The following PTPRT variants were observed in gnomAD, a reference collection of about 807,000 sequenced individuals.
PTPRT encodes receptor-type tyrosine-protein phosphatase T.
PTPRT carries 56 observed loss-of-function variants against 176.8 expected under a neutral mutation model. The observed-to-expected ratio is 0.32, with a 90% CI of 0.26 to 0.40. PTPRT has a LOEUF of 0.40. Among genes scored for constraint, PTPRT ranks in the 10% least tolerant of loss-of-function variants. PTPRT has a pLI of 1.00. For synonymous variants in PTPRT, 783 were observed against 739.0 expected, an observed-to-expected ratio of 1.06 and a Z score of -0.96; for missense variants, 1,540 against 1,908.2, an observed-to-expected ratio of 0.81 and a Z score of 3.60.
chr20:42,960,004 C>T (rs752982826), intron 1 of PTPRT, among the ~76,000 whole-genome samples: 1 of 152,120 alleles, frequency 6.6e-6, no homozygotes, highest in Non-Finnish European at 1.5e-5. Flanking sequence ...GGGCTGGCCC[C>T]CTTTTCAGAC....
chr20:42,460,733 C>T (rs1337775768), intron 8 of PTPRT, among the ~76,000 whole-genome samples: 1 of 152,242 alleles, frequency 6.6e-6, no homozygotes, highest in Non-Finnish European at 1.5e-5. Flanking sequence ...TCCTTTTTGC[C>T]GCCTTGTGAA....
At chr20:42,375,626 C>T (rs946605648) in intron 9 of PTPRT, among the ~76,000 whole-genome samples, 6 of 152,116 alleles carry the variant, frequency 3.9e-5, no homozygotes, top group African/African-American at 1.4e-4. Context: ...TTATTAATTA[C>T]CCAGTCCATG....
chr20:42,062,376 C>T, the PTPRT span, among the ~76,000 whole-genome samples: 2 of 152,142 alleles, frequency 1.3e-5, no homozygotes, highest in African/African-American at 4.8e-5. Context: ...CTAGAGTTCT[C>T]TTGGAAAAGC....
chr20:42,344,403 A>G (rs930419775), intron 11 of PTPRT, among the ~76,000 whole-genome samples: 2 of 152,200 alleles, frequency 1.3e-5, no homozygotes, highest in Non-Finnish European at 2.9e-5. Context: ...GTTTCAGTGT[A>G]TCCAACTGGG....
intron 6 of PTPRT, among the ~76,000 whole-genome samples, chr20:42,697,686 T>TA (rs1476298229): frequency 6.6e-6 from 1 of 152,064 alleles, no homozygotes; most frequent in East Asian, 1.9e-4. Context: ...AATGGGGTGG[T>TA]AAAAAAGTAG....
intron 2 of PTPRT, among the ~76,000 whole-genome samples, chr20:42,821,809 C>T (rs1401049696): frequency 6.6e-6 from 1 of 152,100 alleles, no homozygotes; most frequent in African/African-American, 2.4e-5. Flanking sequence ...CTCCCATTCA[C>T]AATTGCTACA....
At chr20:43,083,321 T>TGTAC (rs1491174501) in intron 1 of PTPRT, among the ~76,000 whole-genome samples, 4 of 11,428 alleles carry the variant, frequency 3.5e-4, no homozygotes, top group Non-Finnish European at 6.1e-4. Flanking sequence ...ACTTCAAATG[T>TGTAC]ATATATATAT....
At chr20:42,591,881 A>G (rs1396863439) in intron 7 of PTPRT, among the ~76,000 whole-genome samples, 1 of 151,896 alleles carries the variant, frequency 6.6e-6, no homozygotes, top group African/African-American at 2.4e-5. Context: ...TGTATATAAG[A>G]GACCGAGCAC....
chr20:42,677,954 C>T lies in PTPRT; in HGVS notation c.1065G>A (p.Glu355=), dbSNP rs2146065619. The T allele has an allele frequency of 3.1e-6, 5 of 1,614,182 alleles. No homozygotes were observed. In the South Asian group the frequency reaches 3.3e-5, roughly 11 times the overall value. The stretch of plus-strand genomic sequence containing the variant: ...GTGTGAGGAGCACTCGGATCTCATA[C>T]TCAACATCGGGGTCCAGATGCCACA... ...YKLWHLDPDV[E]YEIRVLLTRP... The change falls in exon 7 of 31, where the codon GAG becomes GAA. Residue 355 remains glutamate (E), a synonymous_variant. Coordinates refer to ENST00000373187, the MANE Select transcript of PTPRT (RefSeq NM_007050.6).
At chr20:42,708,608 G>A (rs150964068) in intron 6 of PTPRT, among the ~76,000 whole-genome samples, 109 of 152,260 alleles carry the variant, frequency 7.2e-4, no homozygotes, top group African/African-American at 2.6e-3. Context: ...TGCTCTACAC[G>A]TTCCACTTTG....
chr20:42,908,550 A>G (rs536519182), intron 1 of PTPRT, among the ~76,000 whole-genome samples: 3 of 152,266 alleles, frequency 2.0e-5, no homozygotes, highest in East Asian at 3.9e-4. Context: ...TAATTTTGCA[A>G]TATCATTTTT....
At chr20:42,391,325 C>A (rs2058797403) in intron 9 of PTPRT, among the ~76,000 whole-genome samples, 1 of 152,152 alleles carries the variant, frequency 6.6e-6, no homozygotes, top group Non-Finnish European at 1.5e-5. Context: ...TGATTCTGAA[C>A]ACAAGTGTAG....
At chr20:42,764,981 C>T (rs773368412) in intron 5 of PTPRT, among the ~76,000 whole-genome samples, 3 of 152,252 alleles carry the variant, frequency 2.0e-5, no homozygotes, top group Admixed American at 6.5e-5. Context: ...GTTTACTGGG[C>T]GAACCGGCTG....
At chr20:42,240,394 G>A (rs1047422620) in intron 14 of PTPRT, among the ~76,000 whole-genome samples, 2 of 152,200 alleles carry the variant, frequency 1.3e-5, no homozygotes, top group Non-Finnish European at 2.9e-5. Flanking sequence ...GATATTGCAA[G>A]TAACAGATTG....
intron 1 of PTPRT, among the ~76,000 whole-genome samples, chr20:42,933,538 T>C (rs1012776263): frequency 2.0e-4 from 30 of 152,216 alleles, no homozygotes; most frequent in African/African-American, 7.2e-4. Context: ...TATTGATTGA[T>C]TGATTGACTA....
intron 12 of PTPRT, among the ~76,000 whole-genome samples, chr20:42,287,470 G>A (rs2057249273): frequency 6.6e-6 from 1 of 151,910 alleles, no homozygotes. Context: ...AGGAAAATAA[G>A]CAGTAAACAG....
At chr20:42,106,334 A>G (rs976298093) in intron 24 of PTPRT, among the ~76,000 whole-genome samples, 1 of 152,128 alleles carries the variant, frequency 6.6e-6, no homozygotes, top group Admixed American at 6.5e-5. Flanking sequence ...ATCTCTTGAA[A>G]TGCCCAGCAC....
intron 2 of PTPRT, among the ~76,000 whole-genome samples, chr20:42,847,914 A>G (rs1047777221): frequency 6.6e-6 from 1 of 152,170 alleles, no homozygotes; most frequent in African/African-American, 2.4e-5. Context: ...GTGATTTCTG[A>G]GAGTTTGGTG....
intron 7 of PTPRT, among the ~76,000 whole-genome samples, chr20:42,549,396 A>G (rs61680049): frequency 0.017 from 2,537 of 152,286 alleles, 77 homozygotes; most frequent in African/African-American, 0.057. Context: ...CCTGAACACA[A>G]ACAAAGCAGT....
Sources: gnomAD v4.1 joint callset for allele counts (sites outside exome capture counted in the v4.1 genomes callset) on GRCh38, gnomAD v4.1.1 for gene constraint, MANE v1.5 for transcripts, NCBI Gene and HGNC (gene_info 2026-07-23, HGNC 2026-07-21) for gene names.